ZNRF3: variants seen among roughly 807,000 people sequenced by gnomAD.
ZNRF3 encodes the protein E3 ubiquitin-protein ligase ZNRF3.
In ZNRF3, 23 loss-of-function variants were observed where a neutral mutation model predicts 72.5. The observed-to-expected ratio is 0.32, with a 90% CI of 0.23 to 0.45. The LOEUF is 0.45. ZNRF3 is among the 20% of genes least tolerant of loss of function. ZNRF3 has a pLI of 1.00. For synonymous variants in ZNRF3, 610 were observed against 545.3 expected (o/e 1.12, Z -1.65); for missense variants, 1,169 against 1,272.1 (o/e 0.92, Z 1.23).
At chr22:29,051,397 T>A (rs1190749756) in intron 8 of ZNRF3, among the ~76,000 whole-genome samples, 1 of 152,090 alleles carries the variant, frequency 6.6e-6, no homozygotes, top group African/African-American at 2.4e-5. Context: ...TGACTCCTCA[T>A]GGCTGGGATA....
intron 2 of ZNRF3, among the ~76,000 whole-genome samples, chr22:29,005,573 C>T (rs2036227235): frequency 6.6e-6 from 1 of 152,216 alleles, no homozygotes; most frequent in African/African-American, 2.4e-5. Flanking sequence ...TAGCTCTGGG[C>T]TTCCTCTCCC....
chr22:29,045,362 C>T (rs1019337696), intron 5 of ZNRF3, among the ~76,000 whole-genome samples: 1 of 97,606 alleles, frequency 1.0e-5, no homozygotes, highest in Non-Finnish European at 2.1e-5. Context: ...CCCTGTCTCA[C>T]AAAAAAAAAA....
intron 2 of ZNRF3, among the ~76,000 whole-genome samples, chr22:29,036,344 G>A (rs538583695): frequency 1.2e-4 from 18 of 152,162 alleles, no homozygotes; most frequent in Non-Finnish European, 2.5e-4. Context: ...AGCACCATTA[G>A]TTTTATGGAA....
intron 1 of ZNRF3, among the ~76,000 whole-genome samples, chr22:28,892,735 C>G: frequency 6.6e-6 from 1 of 152,152 alleles, no homozygotes; most frequent in East Asian, 1.9e-4. Flanking sequence ...CTCTCCCCAG[C>G]AGCCAGTGTA....
chr22:28,929,974 A>G lies in ZNRF3; in HGVS notation c.300+45908A>G, dbSNP rs149482086. Among the ~76,000 whole-genome samples the G allele has an allele frequency of 4.2e-3, 636 of 152,358 alleles. 8 individuals carry two copies. Among genetic ancestry groups the G allele is most frequent in the African/African-American group, 0.014 (591 of 41,576 alleles). ...TCTCAGTTTGAGAAAAAATAGAAAT[A>G]AAAAACATTTAAAAAGAAAAAATGA... is the stretch of plus-strand genomic sequence containing the variant. On this transcript the variant is annotated intron_variant, in intron 1 of 8. Transcript: ENST00000544604.
chr22:29,029,667 T>TAGGG (rs927218803), intron 2 of ZNRF3, among the ~76,000 whole-genome samples: 1 of 152,238 alleles, frequency 6.6e-6, no homozygotes, highest in African/African-American at 2.4e-5. Context: ...AAATCATCTC[T>TAGGG]AGGGGTAGGT....
intron 1 of ZNRF3, among the ~76,000 whole-genome samples, chr22:28,884,448 C>G (rs118188472): frequency 0.036 from 5,496 of 152,328 alleles, 174 homozygotes; most frequent in South Asian, 0.086. Flanking sequence ...TGGCTCGTTT[C>G]AGGTTGCAGG....
chr22:28,935,590 T>G (rs947655355), intron 1 of ZNRF3, among the ~76,000 whole-genome samples: 1 of 152,224 alleles, frequency 6.6e-6, no homozygotes, highest in Non-Finnish European at 1.5e-5. Context: ...TGAAGTAATG[T>G]GTGGGTAGGG....
Position 29,053,720 on chromosome 22 carries a change from C to A in ZNRF3, c.*98C>A. ...AAACAAAAAATTTTTTTAGCTTTGA[C>A]AAACACACAAAAGTGGTAATAAAGA... is the stretch of plus-strand genomic sequence containing the variant. On this transcript the variant is annotated 3_prime_UTR_variant, in exon 9 of 9. Transcript: ENST00000544604. 1 of 1,276,504 alleles carries A rather than the reference C, an allele frequency of 7.8e-7. No individual in the cohort carries two copies. Among genetic ancestry groups the A allele is most frequent in the Non-Finnish European group, 1.1e-6 (1 of 917,056 alleles). The allele number at this position is 1,276,504 out of a possible 1,614,324, so 79.1% of individuals were successfully genotyped here.
chr22:28,917,170 G>T (rs1224649446), intron 1 of ZNRF3, among the ~76,000 whole-genome samples: 1 of 151,996 alleles, frequency 6.6e-6, no homozygotes, highest in Non-Finnish European at 1.5e-5. Flanking sequence ...ATGCTCCCAG[G>T]TCCTCACCTG....
At chr22:28,986,270 C>T (rs1198498047) in intron 1 of ZNRF3, among the ~76,000 whole-genome samples, 1 of 152,202 alleles carries the variant, frequency 6.6e-6, no homozygotes, top group Non-Finnish European at 1.5e-5. Flanking sequence ...AGACGTATTT[C>T]TTCCACTTAT....
At chr22:28,903,104 C>T (rs894541485) in intron 1 of ZNRF3, among the ~76,000 whole-genome samples, 1 of 152,154 alleles carries the variant, frequency 6.6e-6, no homozygotes, top group African/African-American at 2.4e-5. Context: ...GCAGGCTGCT[C>T]ATTTCTCCGA....
At chr22:28,978,395 G>A (rs189420982) in intron 1 of ZNRF3, among the ~76,000 whole-genome samples, 40 of 152,236 alleles carry the variant, frequency 2.6e-4, no homozygotes, top group Admixed American at 2.3e-3. Context: ...TTCTCTTACC[G>A]TGTGTCCCTG....
chr22:28,920,463 G>C (rs903440529), intron 1 of ZNRF3, among the ~76,000 whole-genome samples: 2 of 151,690 alleles, frequency 1.3e-5, no homozygotes, highest in African/African-American at 4.8e-5. Context: ...TAGAAATGGG[G>C]TTTCACCATG....
At chr22:28,898,567 A>G (rs1451330092) in intron 1 of ZNRF3, among the ~76,000 whole-genome samples, 1 of 152,250 alleles carries the variant, frequency 6.6e-6, no homozygotes, top group African/African-American at 2.4e-5. Flanking sequence ...TTTTGGTGTC[A>G]CTTAAAACAC....
intron 5 of ZNRF3, among the ~76,000 whole-genome samples, chr22:29,046,402 AG>A (rs1262045280): frequency 2.6e-5 from 4 of 152,238 alleles, no homozygotes; most frequent in South Asian, 4.1e-4. Flanking sequence ...GGCGTAGAAC[AG>A]GTTGATAACT....
intron 8 of ZNRF3, among the ~76,000 whole-genome samples, chr22:29,052,848 G>T (rs1270667974): frequency 6.6e-6 from 1 of 151,952 alleles, no homozygotes; most frequent in Non-Finnish European, 1.5e-5. Context: ...TTAATTAGCT[G>T]GGCACGGTGA....
In ZNRF3 at chr22:29,046,822, C is replaced by T. The variant is rs1342701257; in HGVS notation, c.851C>T (p.Thr284Ile). Residue 284 changes from threonine (T) to isoleucine (I), a missense_variant, in exon 6 of 9, where the codon ACA becomes ATA. Thr to Ile is a moderately conservative substitution (Grantham distance 89). Transcript: ENST00000544604. ...RREGSCGALD[T>I]LSSSSTSDCA... ...GAGGGGAGCTGTGGGGCCCTGGACA[C>T]ACTCAGCAGCAGCTCCACGTCCGAC... is the stretch of plus-strand genomic sequence containing the variant. 6 of 1,610,780 alleles carry T rather than the reference C, an allele frequency of 3.7e-6. No individual in the cohort carries two copies. The highest frequency in any genetic ancestry group is 1.1e-5 in the South Asian group (1 of 90,068).
chr22:29,025,038 G>T (rs2036604424), intron 2 of ZNRF3: 1 of 144,004 alleles, frequency 6.9e-6, no homozygotes, highest in African/African-American at 2.6e-5. Context: ...CTGGAGTGCA[G>T]TGGTGCCATC....
Sources: gnomAD v4.1 joint callset for allele counts (sites outside exome capture counted in the v4.1 genomes callset) on GRCh38, gnomAD v4.1.1 for gene constraint, MANE v1.5 for transcripts, NCBI Gene and HGNC (gene_info 2026-07-23, HGNC 2026-07-21) for gene names.